Variants in RPL26L1 observed in about 807,000 individuals in gnomAD.
RPL26L1 encodes ribosomal protein uL24-like.
In RPL26L1, 8 loss-of-function variants were observed where a neutral mutation model predicts 15.2. The observed-to-expected ratio is 0.53, with a 90% confidence interval of 0.31 to 0.95. The LOEUF (loss-of-function observed/expected upper bound fraction) is 0.95. Among genes scored for constraint, RPL26L1 ranks in the 40% least tolerant of loss-of-function variants. The probability of loss-of-function intolerance (pLI) is 0.05; values close to 1 mark genes in which losing one functional copy is unlikely to be tolerated. For missense variants in RPL26L1, 146 were observed against 190.9 expected (o/e 0.76, Z 1.39); for synonymous variants, 51 against 65.9 (o/e 0.77, Z 1.09).
intron 2 of RPL26L1, among the ~76,000 whole-genome samples, chr5:172,963,631 A>G (rs1315771384): frequency 6.6e-6 from 1 of 152,202 alleles, no homozygotes; most frequent in Non-Finnish European, 1.5e-5. Context: ...CGTTCCTCAG[A>G]GAAGCCTTCC....
upstream of RPL26L1, chr5:172,959,143 AC>A (rs1755112571): frequency 1.3e-5 from 2 of 152,582 alleles, no homozygotes; most frequent in South Asian, 4.1e-4. Context: ...AATGGCGTGA[AC>A]CCGGGAGGCG....
intron 2 of RPL26L1, among the ~76,000 whole-genome samples, chr5:172,964,621 A>T (rs1190167196): frequency 6.6e-6 from 1 of 152,216 alleles, no homozygotes; most frequent in Admixed American, 6.5e-5. Flanking sequence ...AAGAGGTATG[A>T]ATTGTTTCAG....
At chr5:172,968,738 C>A in intron 3 of RPL26L1, 139 bp downstream of exon 3, 1 of 673,864 alleles carries the variant, frequency 1.5e-6, no homozygotes, top group Non-Finnish European at 2.2e-6. Flanking sequence ...TTTGTGATAT[C>A]ATCAAGGATC....
chr5:172,961,100 T>TA (rs1434987175), intron 2 of RPL26L1, among the ~76,000 whole-genome samples: 1 of 152,182 alleles, frequency 6.6e-6, no homozygotes. Context: ...GCTATTGTCT[T>TA]AGAGAATGAA....
chr5:172,959,345 C>A (rs1425347279), upstream of RPL26L1: 3 of 1,002,304 alleles, frequency 3.0e-6, no homozygotes, highest in Non-Finnish European at 2.4e-6. Context: ...CACCCCAAGC[C>A]GCTGGGGGCG....
chr5:172,963,625 C>T (rs1304259725), intron 2 of RPL26L1, among the ~76,000 whole-genome samples: 1 of 152,200 alleles, frequency 6.6e-6, no homozygotes, highest in African/African-American at 2.4e-5. Flanking sequence ...AATGTCCGTT[C>T]CTCAGAGAAG....
chr5:172,961,703 G>A (rs1247805593), intron 2 of RPL26L1, among the ~76,000 whole-genome samples: 2 of 152,172 alleles, frequency 1.3e-5, no homozygotes, highest in African/African-American at 4.8e-5. Flanking sequence ...ATCTCTTTCT[G>A]CTCTGTGTTC....
chr5:172,965,490 C>G (rs1561757698), intron 2 of RPL26L1, among the ~76,000 whole-genome samples: 1 of 152,210 alleles, frequency 6.6e-6, no homozygotes, highest in Non-Finnish European at 1.5e-5. Context: ...CACCTTCTCA[C>G]CTGGTACACT....
upstream of RPL26L1, chr5:172,958,215 G>C: frequency 2.7e-6 from 1 of 371,076 alleles, no homozygotes; most frequent in South Asian, 1.9e-5. Context: ...GGTGAGCCGA[G>C]ATGGTGCCAC....
At chr5:172,955,129 GTTTTTTTTTT>G (rs58150544), upstream of RPL26L1, 1 of 200,412 alleles carries the variant, frequency 5.0e-6, no homozygotes, top group South Asian at 3.4e-5. Context: ...GCTGTGGTTA[GTTTTTTTTTT>G]TTTTTTTTTT....
chr5:172,958,395 A>G (rs1201210674), upstream of RPL26L1: 1 of 456,274 alleles, frequency 2.2e-6, no homozygotes. Context: ...CTGTACTTGC[A>G]AGACATCTTC....
rs1452474778 is a variant in RPL26L1, at chr5:172,969,433, A to T, written c.330A>T (p.Lys110Asn). 6.2e-7 allele frequency: 1 copy of T among 1,613,728 alleles called. No homozygotes were observed. The highest frequency in any genetic ancestry group is 1.1e-5 in the South Asian group (1 of 91,070). Residue 110 changes from lysine (K) to asparagine (N), a missense_variant, in exon 4 of 4, where the codon AAA (lysine) becomes AAT (asparagine). Transcript: ENST00000265100. ...HPSKVVITRL[K>N]LDKDRKKILE... ...AACAGGTGGTTATCACCAGGCTAAA[A>T]CTGGACAAGGATCGGAAAAAAATTC...
At chr5:172,957,095 G>A (rs1425214443), upstream of RPL26L1, 3 of 435,762 alleles carry the variant, frequency 6.9e-6, no homozygotes, top group East Asian at 1.4e-4. Flanking sequence ...AGCGATTTGG[G>A]TGCCAGGGCT....
At chr5:172,965,118 G>A (rs1408399785) in intron 2 of RPL26L1, among the ~76,000 whole-genome samples, 3 of 152,144 alleles carry the variant, frequency 2.0e-5, no homozygotes, top group East Asian at 1.9e-4. Context: ...CCCAGAAGGC[G>A]GAGGTTGTGG....
chr5:172,964,325 G>A (rs1755367482), intron 2 of RPL26L1, among the ~76,000 whole-genome samples: 1 of 110,698 alleles, frequency 9.0e-6, no homozygotes, highest in Non-Finnish European at 1.7e-5. Context: ...CACTCTTGTT[G>A]CCCAGGCTGG....
At chr5:172,955,200 C>T (rs1764332140), upstream of RPL26L1, 5 of 340,854 alleles carry the variant, frequency 1.5e-5, no homozygotes, top group South Asian at 1.1e-4. Context: ...GCGATATCGG[C>T]TCACTGCAAC....
chr5:172,956,883 A>C, upstream of RPL26L1: 1 of 203,358 alleles, frequency 4.9e-6, no homozygotes, highest in Admixed American at 5.6e-5. Context: ...GGTTGCAGTG[A>C]GCCAAAACTG....
chr5:172,968,095 A>T (rs1755537908), intron 2 of RPL26L1, among the ~76,000 whole-genome samples: 1 of 152,144 alleles, frequency 6.6e-6, no homozygotes, highest in East Asian at 1.9e-4. Context: ...AGTAATGCAG[A>T]TATTCCAAAA....
At chr5:172,963,690 G>T (rs1458332) in intron 2 of RPL26L1, among the ~76,000 whole-genome samples, 1 of 151,964 alleles carries the variant, frequency 6.6e-6, no homozygotes, top group African/African-American at 2.4e-5. Flanking sequence ...TTTTTTCTTC[G>T]TAGCAGTAAG....
Sources: gnomAD v4.1 joint callset for allele counts (sites outside exome capture counted in the v4.1 genomes callset) on GRCh38, gnomAD v4.1.1 for gene constraint, MANE v1.5 for transcripts, NCBI Gene and HGNC (gene_info 2026-07-23, HGNC 2026-07-21) for gene names.